UGT1A6: variants seen among roughly 807,000 people sequenced by gnomAD.
UGT1A6 encodes the protein UDP-glucuronosyltransferase 1A6.
A neutral mutation model predicts 44.4 loss-of-function variants in UGT1A6; 32 were observed. The ratio of observed to expected loss-of-function variants is 0.72; its 90% CI spans 0.54 to 0.97. UGT1A6 has a LOEUF of 0.97. Ranked by LOEUF, UGT1A6 falls within the 50% of genes least tolerant of loss-of-function variation. The pLI, the probability that UGT1A6 is intolerant of heterozygous loss-of-function variation, is 0.00. For missense variants in UGT1A6, 685 were observed against 661.9 expected, an observed-to-expected ratio of 1.03 and a Z score of -0.38; for synonymous variants, 238 against 248.5, an observed-to-expected ratio of 0.96 and a Z score of 0.40.
chr2:233,701,994 C>G (rs1220437125), intron 1 of UGT1A6, among the ~76,000 whole-genome samples: 1 of 152,050 alleles, frequency 6.6e-6, no homozygotes, highest in East Asian at 1.9e-4. Context: ...TAACTAAGAT[C>G]AGAGCAGAAC....
chr2:233,732,773 C>CTTTT (rs2078315229), intron 1 of UGT1A6, among the ~76,000 whole-genome samples: 1 of 103,190 alleles, frequency 9.7e-6, no homozygotes, highest in Admixed American at 1.1e-4. Flanking sequence ...TTTTTTTTTG[C>CTTTT]TTAGGATTGT....
Position 233,698,733 on chromosome 2 carries a change from A to G in UGT1A6, c.861+4868A>G, listed in dbSNP as rs76518000. 8.6e-3 allele frequency among the ~76,000 whole-genome samples: 1,305 copies of G among 152,372 alleles called. 33 individuals carry two copies. Among genetic ancestry groups the G allele is most frequent in the East Asian group, 0.059 (306 of 5,188 alleles). On this transcript the variant is annotated intron_variant, in intron 1 of 4. Transcript: ENST00000305139. ...GCCTTTTGAAAACCATAGCTTGGTG[A>G]CCATTTTTTACATAATGCTATGATT...
chr2:233,735,959 A>G (rs1268805881), intron 1 of UGT1A6, among the ~76,000 whole-genome samples: 1 of 151,776 alleles, frequency 6.6e-6, no homozygotes, highest in Non-Finnish European at 1.5e-5. Flanking sequence ...CCTTCATTTC[A>G]ACTTTGGTGA....
At chr2:233,711,587 T>C (rs28898594) in intron 1 of UGT1A6, among the ~76,000 whole-genome samples, 1,733 of 152,338 alleles carry the variant, frequency 0.011, 27 homozygotes, top group African/African-American at 0.04. Context: ...GCCTTCTCTG[T>C]GCCTTCCTGC....
chr2:233,729,482 A>G (rs2077866923), intron 1 of UGT1A6: 1 of 1,614,098 alleles, frequency 6.2e-7, no homozygotes, highest in Non-Finnish European at 8.5e-7. Flanking sequence ...ATGTTGAACA[A>G]TATGTCTTTG....
chr2:233,713,263 G>T, intron 1 of UGT1A6: 1 of 1,614,196 alleles, frequency 6.2e-7, no homozygotes, highest in Non-Finnish European at 8.5e-7. Context: ...GAATTTGATC[G>T]CCTTTTGCTG....
intron 1 of UGT1A6, among the ~76,000 whole-genome samples, chr2:233,728,059 C>T (rs2077678124): frequency 1.3e-5 from 2 of 152,228 alleles, no homozygotes; most frequent in South Asian, 2.1e-4. Context: ...GGCTTGAGGC[C>T]CTTGTGAGTG....
At chr2:233,742,142 G>A (rs868040003) in intron 1 of UGT1A6, among the ~76,000 whole-genome samples, 9 of 151,998 alleles carry the variant, frequency 5.9e-5, no homozygotes, top group South Asian at 2.1e-4. Flanking sequence ...ACCCAGCAGC[G>A]CTAGACGAAT....
rs879204025 is a variant in UGT1A6, at chr2:233,769,857, CAAA to C, written c.1301+1433_1301+1435del. The C allele has an allele frequency of 9.2e-3, 2,056 of 222,634 alleles. No homozygotes were observed. Among genetic ancestry groups the C allele is most frequent in the South Asian group, 0.014 (129 of 9,020 alleles). The allele number at this position is 222,634 out of a possible 1,614,324, so 13.8% of individuals were successfully genotyped here. On this transcript the variant is annotated intron_variant, in intron 4 of 4. Transcript: ENST00000305139. The surrounding 1 kb of genome is among the most constrained non-coding windows in gnomAD (Gnocchi z 4.4). ...TGGGCAACAGAGTGAGACCCTGTCT[CAAA>C]AAAAAAAAAAAAAATGAAAAGTCCA...
At chr2:233,759,599 A>ACCCCCCCCCCCCCC (rs1553620419) in intron 1 of UGT1A6, among the ~76,000 whole-genome samples, 9 of 108,650 alleles carry the variant, frequency 8.3e-5, no homozygotes, top group African/African-American at 2.6e-4. Flanking sequence ...CCCACCCCCG[A>ACCCCCCCCCCCCCC]CCCGCCCCAC....
intron 1 of UGT1A6, chr2:233,747,817 C>T: frequency 6.2e-7 from 1 of 1,613,510 alleles, no homozygotes; most frequent in South Asian, 1.1e-5. Flanking sequence ...ACGACCAATT[C>T]AGACCACATG....
intron 1 of UGT1A6, among the ~76,000 whole-genome samples, chr2:233,698,709 C>T (rs1285888187): frequency 6.6e-6 from 1 of 152,186 alleles, no homozygotes; most frequent in Non-Finnish European, 1.5e-5. Context: ...ATGTGCAAAG[C>T]CTTTTGAAAA....
intron 1 of UGT1A6, among the ~76,000 whole-genome samples, chr2:233,761,658 A>G (rs1473319616): frequency 6.6e-6 from 1 of 152,256 alleles, no homozygotes; most frequent in East Asian, 1.9e-4. Flanking sequence ...TAATGAGTGA[A>G]TCACCAGACA....
chr2:233,756,694 GA>G (rs888439018), intron 1 of UGT1A6, among the ~76,000 whole-genome samples: 3 of 152,120 alleles, frequency 2.0e-5, no homozygotes, highest in Non-Finnish European at 2.9e-5. Flanking sequence ...TAATGACGAT[GA>G]ATTTTGGGGG....
At chr2:233,748,198 C>T (rs1478971867) in intron 1 of UGT1A6, 15 of 1,535,826 alleles carry the variant, frequency 9.8e-6, no homozygotes, top group Non-Finnish European at 1.1e-5. Flanking sequence ...TTCTGCTTGT[C>T]GTAATAGCCT....
Position 233,707,728 on chromosome 2 carries a change from AC to A in UGT1A6, c.861+13864del, listed in dbSNP as rs1181279072. ...TTTCACTACTGTGAACAATGTTACA[AC>A]GAACATTCTTTTACATTCTGAAACA... is the stretch of plus-strand genomic sequence containing the variant. On this transcript the variant is annotated intron_variant, in intron 1 of 4. Transcript: ENST00000305139. 6.6e-5 allele frequency among the ~76,000 whole-genome samples: 10 copies of A among 152,254 alleles called. No individual in the cohort carries two copies. In the East Asian group the frequency reaches 9.6e-4, roughly 15 times the overall value.
chr2:233,711,786 G>T (rs952710503), intron 1 of UGT1A6, among the ~76,000 whole-genome samples: 2 of 152,208 alleles, frequency 1.3e-5, no homozygotes, highest in Non-Finnish European at 2.9e-5. Context: ...AGTGTGCACA[G>T]CCCAGAGAGC....
chr2:233,741,996 A>ATACACT (rs904144807), intron 1 of UGT1A6: 1 of 151,922 alleles, frequency 6.6e-6, no homozygotes, highest in African/African-American at 2.4e-5. Flanking sequence ...AATATTACAG[A>ATACACT]TACACTTGGC....
chr2:233,728,196 A>G (rs1328126266), intron 1 of UGT1A6, among the ~76,000 whole-genome samples: 1 of 152,202 alleles, frequency 6.6e-6, no homozygotes, highest in East Asian at 1.9e-4. Flanking sequence ...TTGGTGCTGG[A>G]TTGACTTGGA....
Sources: gnomAD v4.1 joint callset for allele counts (sites outside exome capture counted in the v4.1 genomes callset) on GRCh38, gnomAD v4.1.1 for gene constraint, Gnocchi (gnomAD v3.1) non-coding constraint, MANE v1.5 for transcripts, NCBI Gene and HGNC (gene_info 2026-07-23, HGNC 2026-07-21) for gene names.